CPED1: variants seen among roughly 807,000 people sequenced by gnomAD.
The protein encoded by CPED1 is cadherin-like and PC-esterase domain-containing protein 1.
A neutral mutation model predicts 128.2 loss-of-function variants in CPED1; 114 were observed. That is an observed-to-expected ratio of 0.89 (90% CI 0.76 to 1.04). The LOEUF is 1.04. Among genes scored for constraint, CPED1 ranks in the 50% least tolerant of loss-of-function variants. CPED1 has a pLI of 0.00. For missense variants in CPED1, 1,211 were observed against 1,207.1 expected, an observed-to-expected ratio of 1.00 and a Z score of -0.05; for synonymous variants, 462 against 426.7, an observed-to-expected ratio of 1.08 and a Z score of -1.02.
chr7:121,142,247 TC>T (rs1334035948), intron 16 of CPED1, 106 bp downstream of exon 16: 82 of 1,036,036 alleles, frequency 7.9e-5, no homozygotes, highest in Non-Finnish European at 1.1e-4. Flanking sequence ...TGCCTTGAAA[TC>T]GAAACTGTGG....
intron 16 of CPED1, among the ~76,000 whole-genome samples, chr7:121,211,286 C>A (rs1435027539): frequency 6.6e-6 from 1 of 152,042 alleles, no homozygotes; most frequent in Non-Finnish European, 1.5e-5. Flanking sequence ...ATACACATTT[C>A]CAATTAAAAG....
intron 3 of CPED1, among the ~76,000 whole-genome samples, chr7:121,045,228 T>G (rs1227411446): frequency 6.6e-6 from 1 of 152,228 alleles, no homozygotes; most frequent in Admixed American, 6.5e-5. Flanking sequence ...GAGATTTCTC[T>G]CATCCCCAAA....
intron 16 of CPED1, among the ~76,000 whole-genome samples, chr7:121,143,626 TTTGTATA>T (rs772592719): frequency 6.6e-6 from 1 of 152,018 alleles, no homozygotes; most frequent in Non-Finnish European, 1.5e-5. Context: ...GAGGTGTGCT[TTTGTATA>T]TTTGTGTATA....
intron 22 of CPED1, among the ~76,000 whole-genome samples, chr7:121,278,096 A>G (rs1674275027): frequency 6.6e-6 from 1 of 152,150 alleles, no homozygotes; most frequent in African/African-American, 2.4e-5. Flanking sequence ...TTAGACTAGA[A>G]TAGTTGAAGA....
At chr7:121,272,987 T>TA (rs1407560571) in intron 22 of CPED1, among the ~76,000 whole-genome samples, 1 of 152,092 alleles carries the variant, frequency 6.6e-6, no homozygotes, top group East Asian at 1.9e-4. Context: ...AAGTCTTGTA[T>TA]AGGTTGTCCA....
chr7:121,192,111 A>G (rs1052910727), intron 16 of CPED1, among the ~76,000 whole-genome samples: 9 of 152,152 alleles, frequency 5.9e-5, no homozygotes, highest in Non-Finnish European at 1.2e-4. Context: ...TTGAATCTGC[A>G]ACTATTAACT....
intron 16 of CPED1, among the ~76,000 whole-genome samples, chr7:121,146,295 C>T (rs1391832766): frequency 6.6e-6 from 1 of 152,036 alleles, no homozygotes; most frequent in Non-Finnish European, 1.5e-5. Flanking sequence ...AAAGTAGTTA[C>T]CTCCAGCACT....
intron 16 of CPED1, among the ~76,000 whole-genome samples, chr7:121,217,520 G>T (rs557465040): frequency 2.2e-4 from 33 of 152,114 alleles, no homozygotes; most frequent in African/African-American, 7.5e-4. Context: ...AAAGGCATCT[G>T]TTGGCCATTT....
intron 5 of CPED1, among the ~76,000 whole-genome samples, chr7:121,078,753 A>G (rs1794205388): frequency 6.6e-6 from 1 of 152,052 alleles, no homozygotes; most frequent in African/African-American, 2.4e-5. Context: ...TCTGCTCAAC[A>G]CTGTGACCAG....
chr7:121,150,641 T>C (rs1011419815), intron 16 of CPED1, among the ~76,000 whole-genome samples: 1 of 152,220 alleles, frequency 6.6e-6, no homozygotes. Context: ...TCTTCCACAG[T>C]GGCTGAGCTA....
chr7:121,093,193 ACT>A (rs1563022711), intron 5 of CPED1, among the ~76,000 whole-genome samples: 2 of 151,898 alleles, frequency 1.3e-5, no homozygotes, highest in Non-Finnish European at 2.9e-5. Context: ...ATGTTTAGTC[ACT>A]CTTTCTTCCC....
intron 7 of CPED1, among the ~76,000 whole-genome samples, chr7:121,119,042 TTTTA>T (rs1358618157): frequency 2.0e-5 from 3 of 152,166 alleles, no homozygotes; most frequent in Non-Finnish European, 4.4e-5. Flanking sequence ...CAATTTTACT[TTTTA>T]TTCTATAAAT....
chr7:121,213,295 T>C (rs1222877510), intron 16 of CPED1, among the ~76,000 whole-genome samples: 1 of 152,038 alleles, frequency 6.6e-6, no homozygotes, highest in Admixed American at 6.6e-5. Flanking sequence ...AAAAGCTTCC[T>C]CCAAACTTTC....
intron 16 of CPED1, among the ~76,000 whole-genome samples, chr7:121,183,479 A>C (rs1796939918): frequency 6.6e-6 from 1 of 152,188 alleles, no homozygotes; most frequent in Non-Finnish European, 1.5e-5. Flanking sequence ...CCAGATGTCC[A>C]CAGAGTATTT....
intron 16 of CPED1, among the ~76,000 whole-genome samples, chr7:121,210,109 C>A (rs1255430749): frequency 6.6e-6 from 1 of 151,902 alleles, no homozygotes; most frequent in African/African-American, 2.4e-5. Context: ...CTACAATGAG[C>A]TATCATCTCA....
intron 2 of CPED1, among the ~76,000 whole-genome samples, chr7:121,002,267 G>A (rs1791881734): frequency 1.3e-5 from 2 of 152,050 alleles, no homozygotes; most frequent in South Asian, 4.2e-4. Flanking sequence ...TAGCCAAAGT[G>A]CACAAATGCT....
At chr7:121,012,744 T>C (rs1205163197) in intron 2 of CPED1, among the ~76,000 whole-genome samples, 1 of 152,228 alleles carries the variant, frequency 6.6e-6, no homozygotes, top group Non-Finnish European at 1.5e-5. Context: ...GTAATTCTAC[T>C]GACAAGCTCA....
At position 121,163,452 on chromosome 7, in the gene CPED1, C is replaced by G. The variant is rs558052355; in HGVS notation, c.2055+21311C>G. On this transcript the variant is annotated intron_variant, in intron 16 of 22. Transcript: ENST00000310396. ...ACAGGAGGAGCTGCAGGCAAAGTAC[C>G]ACCCCGACTCCCACTGTCACTGGAC... Among the ~76,000 whole-genome samples the G allele has an allele frequency of 5.3e-5, 8 of 152,270 alleles. No individual in the cohort carries two copies. In the South Asian group the frequency reaches 1.5e-3, roughly 28 times the overall value.
chr7:121,102,741 T>C (rs1278640510), intron 7 of CPED1, among the ~76,000 whole-genome samples: 1 of 152,034 alleles, frequency 6.6e-6, no homozygotes, highest in Non-Finnish European at 1.5e-5. Context: ...AGGGGAGAGT[T>C]AGGAGGAAAA....
Sources: gnomAD v4.1 joint callset for allele counts (sites outside exome capture counted in the v4.1 genomes callset) on GRCh38, gnomAD v4.1.1 for gene constraint, MANE v1.5 for transcripts, NCBI Gene and HGNC (gene_info 2026-07-23, HGNC 2026-07-21) for gene names.